Variants in DLGAP2 observed in about 807,000 individuals in gnomAD.
The protein encoded by DLGAP2 is DLG associated protein 2.
DLGAP2 carries 26 observed loss-of-function variants against 100.3 expected under a neutral mutation model. The ratio of observed to expected loss-of-function variants is 0.26; its 90% CI spans 0.19 to 0.36. DLGAP2 has a LOEUF of 0.36. Ranked by LOEUF, DLGAP2 falls within the 10% of genes least tolerant of loss-of-function variation. The pLI is 1.00. For synonymous variants in DLGAP2, 886 were observed against 630.1 expected (o/e 1.41, Z -6.08); for missense variants, 1,858 against 1,453.2 (o/e 1.28, Z -4.53).
chr8:1,620,178 A>G (rs953588887), intron 6 of DLGAP2, among the ~76,000 whole-genome samples: 3 of 152,058 alleles, frequency 2.0e-5, no homozygotes, highest in Admixed American at 1.3e-4. Flanking sequence ...TTCTGCACCC[A>G]TATCCACTGA....
rs991263218 is a variant in DLGAP2 at position 1,707,754 on chromosome 8, T to C, written c.*6348T>C. 1.3e-5 allele frequency: 2 copies of C among 152,276 alleles called. No individual in the cohort carries two copies. The highest frequency in any genetic ancestry group is 2.9e-5 in the Non-Finnish European group (2 of 68,034). The allele number at this position is 152,276 out of a possible 1,614,324, so 9.4% of individuals were successfully genotyped here. A position where few individuals can be genotyped will look rare whatever the true frequency, so the allele number is the denominator to read the frequency against. ...GGAATGTTAGAACCAGGAAACTAGC[T>C]GTTTAAAGTTTTAAAGAAGTATATA... On this transcript the variant is annotated 3_prime_UTR_variant, in exon 15 of 15. Transcript: ENST00000637795.
intron 3 of DLGAP2, among the ~76,000 whole-genome samples, chr8:1,355,206 C>T (rs967715411): frequency 3.9e-5 from 6 of 152,254 alleles, no homozygotes; most frequent in South Asian, 2.1e-4. Flanking sequence ...TGGTGGCACC[C>T]GCGTGCTGGC....
At chr8:883,660 C>G (rs568396356) in intron 1 of DLGAP2, among the ~76,000 whole-genome samples, 1 of 151,486 alleles carries the variant, frequency 6.6e-6, no homozygotes, top group African/African-American at 2.4e-5. Flanking sequence ...CGGTTCGTTA[C>G]GTAGGTGCGC....
chr8:1,261,255 C>G (rs1013088565), intron 3 of DLGAP2, among the ~76,000 whole-genome samples: 6 of 149,264 alleles, frequency 4.0e-5, no homozygotes, highest in African/African-American at 1.5e-4. Flanking sequence ...ATATTTAAAA[C>G]AAGACAGAAT....
intron 1 of DLGAP2, among the ~76,000 whole-genome samples, chr8:906,114 C>G (rs1798374795): frequency 6.6e-6 from 1 of 152,204 alleles, no homozygotes; most frequent in Non-Finnish European, 1.5e-5. Flanking sequence ...TATGGGCAGC[C>G]CCTCCTTAGG....
At chr8:1,210,148 C>T (rs952474186) in intron 2 of DLGAP2, among the ~76,000 whole-genome samples, 14 of 152,106 alleles carry the variant, frequency 9.2e-5, no homozygotes, top group African/African-American at 3.4e-4. Flanking sequence ...ATTTACACGT[C>T]ACCCCCCAGG....
chr8:1,694,775 T>C (rs118163752), intron 13 of DLGAP2, among the ~76,000 whole-genome samples: 271 of 152,190 alleles, frequency 1.8e-3, no homozygotes, highest in Non-Finnish European at 2.9e-3. Flanking sequence ...CTGTGTGAAT[T>C]TAAAAGACGG....
chr8:1,247,165 T>G (rs36181567), intron 2 of DLGAP2: 1 of 77,854 alleles, frequency 1.3e-5, no homozygotes, highest in Non-Finnish European at 2.7e-5. Flanking sequence ...TTGAGATCAG[T>G]GTGGGAGTGA....
intron 2 of DLGAP2, among the ~76,000 whole-genome samples, chr8:1,089,703 A>G (rs914876860): frequency 1.3e-5 from 2 of 152,240 alleles, no homozygotes; most frequent in African/African-American, 4.8e-5. Context: ...TGATTTTATC[A>G]TTTATCATGG....
At chr8:1,076,964 G>A (rs1165511141) in intron 2 of DLGAP2, among the ~76,000 whole-genome samples, 1 of 142,032 alleles carries the variant, frequency 7.0e-6, no homozygotes, top group African/African-American at 2.8e-5. Context: ...GACCAAGAGG[G>A]GGAGGAGGAG....
intron 3 of DLGAP2, among the ~76,000 whole-genome samples, chr8:1,451,108 C>T (rs1341748920): frequency 6.6e-6 from 1 of 152,052 alleles, no homozygotes; most frequent in African/African-American, 2.4e-5. Context: ...AGTGGATTCC[C>T]GTTCTGTGGG....
chr8:927,256 A>C (rs768694768), intron 2 of DLGAP2: 3 of 982,816 alleles, frequency 3.1e-6, no homozygotes, highest in Non-Finnish European at 3.6e-6. Context: ...TTGATGGAGG[A>C]CAGTGATGAG....
chr8:1,286,729 A>G (rs556779661), intron 3 of DLGAP2, among the ~76,000 whole-genome samples: 3 of 152,198 alleles, frequency 2.0e-5, no homozygotes, highest in Non-Finnish European at 4.4e-5. Flanking sequence ...TGGAGTGTTA[A>G]TCCACACTTA....
chr8:1,096,544 C>T (rs1804374383), intron 2 of DLGAP2, among the ~76,000 whole-genome samples: 3 of 152,040 alleles, frequency 2.0e-5, no homozygotes, highest in African/African-American at 4.8e-5. Context: ...TGAGGCCCAC[C>T]TCCCTGTGCT....
chr8:1,314,354 C>T (rs143106647), intron 3 of DLGAP2, among the ~76,000 whole-genome samples: 11 of 152,292 alleles, frequency 7.2e-5, no homozygotes, highest in East Asian at 5.8e-4. Context: ...ATTTTGCCGT[C>T]GCACTGTTCA....
At chr8:1,265,186 G>A (rs1799427695) in intron 3 of DLGAP2, among the ~76,000 whole-genome samples, 1 of 152,128 alleles carries the variant, frequency 6.6e-6, no homozygotes, top group Non-Finnish European at 1.5e-5. Context: ...CTAGATATTG[G>A]ATACGTTTAT....
chr8:1,093,995 C>T (rs1009238781), intron 2 of DLGAP2, among the ~76,000 whole-genome samples: 3 of 110,424 alleles, frequency 2.7e-5, no homozygotes, highest in African/African-American at 1.0e-4. Flanking sequence ...GGATGGAGGG[C>T]AGCTCCCCGG....
At position 1,683,856 on chromosome 8, in the gene DLGAP2, A is replaced by ATGTGTG. The variant is rs10583520; in HGVS notation, c.2704+5263_2704+5268dup. ...CCACTATATATATATATATATATAT[A>ATGTGTG]TGTGTGTGTGTGTGTGTGTGTGTGT... On this transcript the variant is annotated intron_variant, in intron 12 of 14. Transcript: ENST00000637795. Among the ~76,000 whole-genome samples, 21 of 62,222 alleles carry ATGTGTG rather than the reference A, an allele frequency of 3.4e-4. 1 individual carries two copies. Among genetic ancestry groups the ATGTGTG allele is most frequent in the East Asian group, 1.2e-3 (2 of 1,712 alleles). 40.8% of individuals were successfully genotyped at this position (62,222 alleles called of 152,430 possible). A position where few individuals can be genotyped will look rare whatever the true frequency, so the allele number is the denominator to read the frequency against.
intron 1 of DLGAP2, among the ~76,000 whole-genome samples, chr8:777,446 C>G (rs552931277): frequency 8.4e-4 from 127 of 152,088 alleles, no homozygotes; most frequent in African/African-American, 2.1e-3. Context: ...TTCCTAGTCT[C>G]GATGGTCTTT....
Sources: gnomAD v4.1 joint callset for allele counts (sites outside exome capture counted in the v4.1 genomes callset) on GRCh38, gnomAD v4.1.1 for gene constraint, MANE v1.5 for transcripts, NCBI Gene and HGNC (gene_info 2026-07-23, HGNC 2026-07-21) for gene names.